The following SELENOI variants were observed in gnomAD, a reference collection of about 807,000 sequenced individuals.
SELENOI encodes the protein ethanolaminephosphotransferase 1.
Under a neutral mutation model 50.7 loss-of-function variants are expected in SELENOI, and 24 were observed. That is an observed-to-expected ratio of 0.47 (90% CI 0.34 to 0.67). The LOEUF (loss-of-function observed/expected upper bound fraction) is 0.67, where lower values mean the gene tolerates loss of function less well. SELENOI is among the 30% of genes least tolerant of loss of function. The pLI is 0.01. For missense variants in SELENOI, 352 were observed against 461.4 expected (o/e 0.76, Z 2.17); for synonymous variants, 155 against 170.2 (o/e 0.91, Z 0.70).
intron 6 of SELENOI, among the ~76,000 whole-genome samples, chr2:26,382,647 T>C (rs369684735): frequency 2.0e-5 from 3 of 152,078 alleles, no homozygotes; most frequent in Admixed American, 1.3e-4. Flanking sequence ...TTTTAAAGTT[T>C]ATGGGGAGAG....
intron 1 of SELENOI, among the ~76,000 whole-genome samples, chr2:26,358,173 C>T (rs576998925): frequency 2.9e-4 from 44 of 152,244 alleles, no homozygotes; most frequent in African/African-American, 9.4e-4. Flanking sequence ...GAGCCCAAGA[C>T]GGGAGGATCT....
chr2:26,356,203 G>A (rs1444073853), intron 1 of SELENOI, among the ~76,000 whole-genome samples: 1 of 152,108 alleles, frequency 6.6e-6, no homozygotes, highest in African/African-American at 2.4e-5. Context: ...CTGTTGCCCA[G>A]GCTGAAGTAC....
At chr2:26,347,780 G>A (rs1022102144) in intron 1 of SELENOI, among the ~76,000 whole-genome samples, 11 of 152,174 alleles carry the variant, frequency 7.2e-5, no homozygotes, top group Admixed American at 5.2e-4. Flanking sequence ...GTTTATAATA[G>A]GAAATCTCCT....
intron 3 of SELENOI, among the ~76,000 whole-genome samples, chr2:26,366,847 A>T (rs1344917294): frequency 6.6e-6 from 1 of 152,190 alleles, no homozygotes; most frequent in African/African-American, 2.4e-5. Context: ...TTCCAAAAAT[A>T]TATTATTTTT....
chr2:26,382,789 G>A lies in SELENOI; in HGVS notation c.683-510G>A, dbSNP rs571968788. Among the ~76,000 whole-genome samples, 3 of 151,708 alleles carry A rather than the reference G, an allele frequency of 2.0e-5. No individual in the cohort carries two copies. The East Asian group carries it at 5.8e-4, about 29-fold the overall frequency. On this transcript the variant is annotated intron_variant, in intron 6 of 9. Transcript: ENST00000260585. ...GGAGAATTGCTTGACCCAGTAGTTC[G>A]TGACCAGCCTGGAATATAGCCAGAC...
chr2:26,357,986 G>A (rs1348271772), intron 1 of SELENOI, among the ~76,000 whole-genome samples: 2 of 152,176 alleles, frequency 1.3e-5, no homozygotes, highest in African/African-American at 4.8e-5. Flanking sequence ...AACCCCTTTT[G>A]CTTGGCTCTC....
At chr2:26,361,072 G>C (rs2115882) in intron 1 of SELENOI, among the ~76,000 whole-genome samples, 14,026 of 152,142 alleles carry the variant, frequency 0.092, 1,728 homozygotes, top group East Asian at 0.6. Context: ...AAATTAGCTG[G>C]GCGTGGTGGT....
At chr2:26,351,369 G>A (rs975862823) in intron 1 of SELENOI, among the ~76,000 whole-genome samples, 1 of 152,128 alleles carries the variant, frequency 6.6e-6, no homozygotes, top group Non-Finnish European at 1.5e-5. Context: ...GTTCACCCTT[G>A]TGATTGCATT....
At chr2:26,352,096 C>T (rs561795087) in intron 1 of SELENOI, among the ~76,000 whole-genome samples, 23 of 152,174 alleles carry the variant, frequency 1.5e-4, no homozygotes, top group Admixed American at 7.2e-4. Context: ...GCTGAGATCA[C>T]GCCACTGCAC....
rs70950184 is a variant in SELENOI, at chr2:26,349,932, C to CAA, written c.57+3669_57+3670dup. ...GCAACATAGTGAGACCTCATCTCCA[C>CAA]AAAAAAAAAAAAAAAAAAAAAAAAA... On this transcript the variant is annotated intron_variant, in intron 1 of 9. Coordinates refer to ENST00000260585, the MANE Select transcript of SELENOI (RefSeq NM_033505.4). Among the ~76,000 whole-genome samples, 458 of 55,266 alleles carry CAA rather than the reference C, an allele frequency of 8.3e-3. 17 individuals carry two copies. Among genetic ancestry groups the CAA allele is most frequent in the South Asian group, 0.017 (24 of 1,372 alleles). The allele number at this position is 55,266 out of a possible 152,430, so 36.3% of individuals were successfully genotyped here.
At chr2:26,375,952 A>G (rs1056524057) in intron 6 of SELENOI, among the ~76,000 whole-genome samples, 1 of 152,006 alleles carries the variant, frequency 6.6e-6, no homozygotes, top group Admixed American at 6.6e-5. Context: ...AGAAAAAACT[A>G]AAGTTAATCA....
intron 6 of SELENOI, among the ~76,000 whole-genome samples, chr2:26,377,402 G>A (rs1010284078): frequency 2.0e-5 from 3 of 152,060 alleles, no homozygotes; most frequent in Non-Finnish European, 4.4e-5. Context: ...GGCTGAGGTG[G>A]GAGGATTGCT....
chr2:26,366,605 C>T (rs1677291458), intron 3 of SELENOI, among the ~76,000 whole-genome samples: 1 of 152,018 alleles, frequency 6.6e-6, no homozygotes, highest in Non-Finnish European at 1.5e-5. Flanking sequence ...AGGACTAGAC[C>T]CTAGACTTTC....
At chr2:26,380,474 C>T (rs1038862641) in intron 6 of SELENOI, among the ~76,000 whole-genome samples, 3 of 152,216 alleles carry the variant, frequency 2.0e-5, no homozygotes, top group African/African-American at 2.4e-5. Context: ...AGTCCTCTTA[C>T]AGCTGCCTGG....
At chr2:26,386,268 C>A in intron 8 of SELENOI, 86 bp from the exon 9 acceptor site, 1 of 1,321,776 alleles carries the variant, frequency 7.6e-7, no homozygotes, top group Non-Finnish European at 1.0e-6. Flanking sequence ...GAATGCTTTT[C>A]AAATGTTGGA....
At chr2:26,371,280 G>A (rs1366445584) in intron 4 of SELENOI, among the ~76,000 whole-genome samples, 1 of 150,506 alleles carries the variant, frequency 6.6e-6, no homozygotes, top group Non-Finnish European at 1.5e-5. Flanking sequence ...GGGCAGAGAC[G>A]CTCCTCACCT....
chr2:26,347,902 A>G (rs147559623), intron 1 of SELENOI, among the ~76,000 whole-genome samples: 37 of 152,274 alleles, frequency 2.4e-4, no homozygotes, highest in African/African-American at 8.7e-4. Context: ...TTTTTATTAT[A>G]TAAGTTCCTG....
intron 6 of SELENOI, among the ~76,000 whole-genome samples, chr2:26,378,159 C>T (rs1342764960): frequency 6.6e-6 from 1 of 151,910 alleles, no homozygotes; most frequent in Admixed American, 6.6e-5. Flanking sequence ...GAGATTTTGG[C>T]GCTCACCTCT....
intron 1 of SELENOI, among the ~76,000 whole-genome samples, chr2:26,360,938 G>A (rs1023133373): frequency 4.6e-5 from 7 of 152,142 alleles, no homozygotes; most frequent in Admixed American, 6.5e-5. Flanking sequence ...CATCCTGGCC[G>A]GCACGGTGGC....
Sources: allele counts gnomAD v4.1 joint callset (sites outside exome capture counted in the v4.1 genomes callset), GRCh38; gene constraint gnomAD v4.1.1; transcripts MANE v1.5; gene names NCBI Gene and HGNC (gene_info 2026-07-23, HGNC 2026-07-21).